Variants in PPL observed in about 807,000 individuals in gnomAD.
The protein encoded by PPL is periplakin.
Under a neutral mutation model 194.4 loss-of-function variants are expected in PPL, and 198 were observed. That is an observed-to-expected ratio of 1.02 (90% CI 0.91 to 1.15). The LOEUF (loss-of-function observed/expected upper bound fraction) is 1.15. PPL is among the 50% of genes most tolerant of loss of function. The pLI is 0.00. For missense variants in PPL, 2,885 were observed against 2,294.8 expected (o/e 1.26, Z -5.25); for synonymous variants, 1,220 against 972.4 (o/e 1.25, Z -4.74).
intron 20 of PPL, 117 bp downstream of exon 20, chr16:4,887,985 G>C: frequency 1.4e-6 from 1 of 734,924 alleles, no homozygotes; most frequent in South Asian, 1.6e-5. Context: ...AGGGCTCTCA[G>C]TGGCTTCCCT....
intron 1 of PPL, among the ~76,000 whole-genome samples, chr16:4,923,683 C>T (rs998277117): frequency 1.1e-4 from 17 of 152,032 alleles, no homozygotes; most frequent in African/African-American, 3.1e-4. Flanking sequence ...GGTGTGGGCT[C>T]GGGCAGATTC....
At position 4,883,339 on chromosome 16, in the gene PPL, G is replaced by A; in HGVS notation, c.*45C>T. On this transcript the variant is annotated 3_prime_UTR_variant, in exon 22 of 22. Coordinates refer to ENST00000345988, the MANE Select transcript of PPL (RefSeq NM_002705.5). This position sits in a 1 kb window ranked among gnomAD's most constrained non-coding sequence, Gnocchi z 4.8. Reference sequence around the variant, plus strand: ...CACCAAGGAGGTCACTGCGTCGTAGGAGAGGGCCAGCGTCTGCCGTTACGA... The same window carrying A: ...CACCAAGGAGGTCACTGCGTCGTAGAAGAGGGCCAGCGTCTGCCGTTACGA... The A allele has an allele frequency of 6.2e-7, 1 of 1,609,030 alleles. No individual in the cohort carries two copies. The highest frequency in any genetic ancestry group is 1.1e-5 in the South Asian group (1 of 90,842).
At position 4,899,284 on chromosome 16, in the gene PPL, C is replaced by T. The variant is rs748208822; in HGVS notation, c.707G>A (p.Arg236His). The part of the protein sequence containing the change: ...LYWLDQQAKG[R>H]MQYDWSDRNL... ...GCGGTCACTCCAGTCGTACTGCATGCGGCCCTTGGCCTGCTGGTCCAGCCA... is the reference window on the plus strand; with the variant it reads ...GCGGTCACTCCAGTCGTACTGCATGTGGCCCTTGGCCTGCTGGTCCAGCCA... Residue 236 changes from arginine to histidine, a missense_variant, in exon 7 of 22, where the codon CGC becomes CAC. Physicochemically the swap from Arg to His is conservative, Grantham distance 29. Coordinates refer to ENST00000345988, the MANE Select transcript of PPL (RefSeq NM_002705.5). 1.9e-5 allele frequency: 31 copies of T among 1,613,662 alleles called. No individual in the cohort carries two copies. The highest frequency in any genetic ancestry group is 5.5e-5 in the South Asian group (5 of 91,084).
chr16:4,932,193 G>A (rs912643734), intron 1 of PPL, among the ~76,000 whole-genome samples: 1 of 151,780 alleles, frequency 6.6e-6, no homozygotes, highest in African/African-American at 2.4e-5. Context: ...CCACCTGCAT[G>A]GCAGGCCCGC....
intron 2 of PPL, among the ~76,000 whole-genome samples, chr16:4,906,025 T>C (rs1043118612): frequency 3.9e-5 from 6 of 152,032 alleles, no homozygotes; most frequent in Non-Finnish European, 5.9e-5. Flanking sequence ...GGAGAATCAT[T>C]TGAGTCCAGG....
intron 1 of PPL, among the ~76,000 whole-genome samples, chr16:4,921,120 T>C (rs1482920078): frequency 1.3e-5 from 2 of 152,218 alleles, no homozygotes. Context: ...GGGCTGGGGA[T>C]GCCAGAGTCT....
chr16:4,909,864 G>A (rs369001296), intron 2 of PPL, among the ~76,000 whole-genome samples: 140 of 152,290 alleles, frequency 9.2e-4, no homozygotes, highest in Middle Eastern at 6.8e-3. Context: ...GGGCTTTCCT[G>A]CTACTAAAAC....
At chr16:4,913,012 G>C (rs143688550) in intron 1 of PPL, among the ~76,000 whole-genome samples, 13,979 of 152,078 alleles carry the variant, frequency 0.092, 670 homozygotes, top group Middle Eastern at 0.11. Context: ...GCTGAGGCAG[G>C]AGAACTGCTT....
intron 21 of PPL, 112 bp downstream of exon 21, chr16:4,887,023 C>G (rs566055041): frequency 1.1e-6 from 1 of 912,246 alleles, no homozygotes. Flanking sequence ...TGCCCAGAAA[C>G]GTTAGCAAGG....
At chr16:4,904,099 A>C (rs548466399) in intron 2 of PPL, 59 bp from the exon 3 acceptor site, 5 of 1,545,150 alleles carry the variant, frequency 3.2e-6, no homozygotes, top group Non-Finnish European at 4.4e-6. Context: ...CACGGTGGCA[A>C]TGGGAGGGGT....
intron 1 of PPL, among the ~76,000 whole-genome samples, chr16:4,925,144 C>A (rs903352629): frequency 6.6e-6 from 1 of 152,324 alleles, no homozygotes; most frequent in Admixed American, 6.5e-5. Flanking sequence ...GGGTACACCC[C>A]TCCCTGGAAC....
At chr16:4,892,305 G>A in intron 14 of PPL, 92 bp from the exon 15 acceptor site, 2 of 1,389,830 alleles carry the variant, frequency 1.4e-6, no homozygotes, top group Non-Finnish European at 1.9e-6. Context: ...TCCCACATCA[G>A]GCACAGTGGA....
In PPL at chr16:4,902,658, A is replaced by T; in HGVS notation, c.318-132T>A. 1 of 1,007,742 alleles carries T rather than the reference A, an allele frequency of 9.9e-7. No individual in the cohort carries two copies. Among genetic ancestry groups the T allele is most frequent in the Admixed American group, 3.0e-5 (1 of 33,248 alleles). The allele number at this position is 1,007,742 out of a possible 1,614,324, so 62.4% of individuals were successfully genotyped here. On this transcript the variant is annotated intron_variant, in intron 3 of 21. Transcript: ENST00000345988. This position sits in a 1 kb window ranked among gnomAD's most constrained non-coding sequence, Gnocchi z 4.0. ...GACCATATGGCCTTGGGTTCCAGACAATCACAGCATCCTCTCACCCCTCCT... is the reference window on the plus strand; with the variant it reads ...GACCATATGGCCTTGGGTTCCAGACTATCACAGCATCCTCTCACCCCTCCT...
chr16:4,927,923 C>T (rs1311757193), intron 1 of PPL, among the ~76,000 whole-genome samples: 1 of 152,172 alleles, frequency 6.6e-6, no homozygotes, highest in Non-Finnish European at 1.5e-5. Flanking sequence ...ACAGCAAGAC[C>T]CTATTTCTAC....
chr16:4,887,784 T>A lies in PPL; in HGVS notation c.2514+318A>T, dbSNP rs184431886. On this transcript the variant is annotated intron_variant, in intron 20 of 21. Transcript: ENST00000345988. ...CGCCTGGCTAATATTTTTGTAGATA[T>A]GGGGTCCTGCTTTGTTGCCCAGGCT... 5.3e-5 allele frequency among the ~76,000 whole-genome samples: 8 copies of A among 152,254 alleles called. No individual in the cohort carries two copies. In the East Asian group the frequency reaches 1.5e-3, roughly 29 times the overall value.
intron 2 of PPL, among the ~76,000 whole-genome samples, chr16:4,904,789 A>G (rs552539942): frequency 6.6e-6 from 1 of 152,148 alleles, no homozygotes; most frequent in Non-Finnish European, 1.5e-5. Flanking sequence ...CTCTGCAGAG[A>G]GGACAGCAAG....
At chr16:4,933,841 A>G (rs2089256884) in intron 1 of PPL, among the ~76,000 whole-genome samples, 2 of 152,218 alleles carry the variant, frequency 1.3e-5, no homozygotes, top group African/African-American at 2.4e-5. Context: ...CCTGTCCACC[A>G]TGATATCAAG....
intron 1 of PPL, among the ~76,000 whole-genome samples, chr16:4,924,474 G>A (rs1451112824): frequency 2.0e-5 from 3 of 152,280 alleles, no homozygotes; most frequent in East Asian, 3.9e-4. Context: ...TAGGAAAGCT[G>A]ATGGGCGCTC....
In PPL at chr16:4,895,250, G is replaced by A; in HGVS notation, c.1242+11C>T. The A allele has an allele frequency of 5.0e-6, 8 of 1,595,650 alleles. No homozygotes were observed. The highest frequency in any genetic ancestry group is 1.3e-5 in the African/African-American group (1 of 74,212). On this transcript the variant is annotated intron_variant, in intron 11 of 21. Coordinates refer to ENST00000345988, the MANE Select transcript of PPL (RefSeq NM_002705.5). ...TGTAGTGATGTGAACAGAGGAGCTG[G>A]CCCCACGCACCTGCTCCCCCTCAAA... is the stretch of plus-strand genomic sequence containing the variant.
Sources: gnomAD v4.1 joint callset for allele counts (sites outside exome capture counted in the v4.1 genomes callset) on GRCh38, gnomAD v4.1.1 for gene constraint, Gnocchi (gnomAD v3.1) non-coding constraint, MANE v1.5 for transcripts, NCBI Gene and HGNC (gene_info 2026-07-23, HGNC 2026-07-21) for gene names.